The following EBF2 variants were observed in gnomAD, a reference collection of about 807,000 sequenced individuals.
EBF2 encodes EBF transcription factor 2, also known as transcription factor COE2.
Under a neutral mutation model 72.8 loss-of-function variants are expected in EBF2, and 21 were observed. That is an observed-to-expected ratio of 0.29 (90% CI 0.20 to 0.42). The LOEUF (loss-of-function observed/expected upper bound fraction) is 0.42, where lower values mean the gene tolerates loss of function less well. Among genes scored for constraint, EBF2 ranks in the 10% least tolerant of loss-of-function variants. EBF2 has a pLI of 1.00. For missense variants in EBF2, 637 were observed against 731.2 expected, an observed-to-expected ratio of 0.87 and a Z score of 1.49; for synonymous variants, 299 against 274.2, an observed-to-expected ratio of 1.09 and a Z score of -0.89.
At chr8:26,007,693 C>G (rs1302463190) in intron 6 of EBF2, among the ~76,000 whole-genome samples, 1 of 152,042 alleles carries the variant, frequency 6.6e-6, no homozygotes, top group Admixed American at 6.6e-5. Flanking sequence ...AGAGCTGGAG[C>G]CAGGCTGCAA....
intron 7 of EBF2, among the ~76,000 whole-genome samples, chr8:25,892,343 A>G (rs554446105): frequency 6.6e-5 from 10 of 152,190 alleles, no homozygotes; most frequent in Non-Finnish European, 1.5e-4. Flanking sequence ...CGGGGGAACT[A>G]CTGTTTACCA....
intron 6 of EBF2, among the ~76,000 whole-genome samples, chr8:26,007,818 A>G (rs1428496723): frequency 6.6e-6 from 1 of 151,138 alleles, no homozygotes; most frequent in African/African-American, 2.4e-5. Flanking sequence ...ACACATACAC[A>G]CACACACACT....
intron 6 of EBF2, among the ~76,000 whole-genome samples, chr8:25,981,361 G>T (rs533146809): frequency 6.6e-6 from 1 of 152,058 alleles, no homozygotes; most frequent in East Asian, 2.0e-4. Flanking sequence ...CCTGTCAATT[G>T]TTGCAAGGCA....
At position 25,850,594 on chromosome 8, in the gene EBF2, C is replaced by G; in HGVS notation, c.1696G>C (p.Ala566Pro). ...TCCCCAAAATAGAACCCTTGCTTAC[C>G]TCTGAATCCATTTCCATTGCCGCTG... ...CSSGNGNGFR[A>P]MTGLVVPPM is the part of the protein sequence containing the mutation. The change falls in exon 15 of 16, where the codon GCC becomes CCC. Residue 566 changes from alanine to proline, a missense_variant and splice_region_variant. By Grantham distance (27) the Ala-to-Pro change is conservative. This residue lies in a region of EBF2 where 259 missense variants were observed against 268.1 expected (regional missense o/e 0.97). Coordinates refer to ENST00000520164, the MANE Select transcript of EBF2 (RefSeq NM_022659.4). The G allele has an allele frequency of 6.4e-7, 1 of 1,555,390 alleles. No individual in the cohort carries two copies. The highest frequency in any genetic ancestry group is 8.6e-7 in the Non-Finnish European group (1 of 1,159,822).
intron 10 of EBF2, among the ~76,000 whole-genome samples, chr8:25,863,351 C>T (rs529878656): frequency 2.0e-5 from 3 of 152,160 alleles, no homozygotes; most frequent in African/African-American, 7.2e-5. Flanking sequence ...GCCCCCCACC[C>T]CACGAATACT....
intron 6 of EBF2, among the ~76,000 whole-genome samples, chr8:25,962,848 A>G (rs1361378941): frequency 6.6e-6 from 1 of 152,200 alleles, no homozygotes; most frequent in African/African-American, 2.4e-5. Flanking sequence ...GTCAGAATCA[A>G]TACATTATGG....
At chr8:26,035,124 G>A (rs1805476871) in intron 5 of EBF2, among the ~76,000 whole-genome samples, 1 of 147,272 alleles carries the variant, frequency 6.8e-6, no homozygotes, top group African/African-American at 2.5e-5. Flanking sequence ...CAATGGCCTA[G>A]CACCAACCCA....
At position 25,842,400 on chromosome 8, in the gene EBF2, C is replaced by G. The variant is rs968290671; in HGVS notation, c.*2209G>C. 1.3e-5 allele frequency: 2 copies of G among 152,114 alleles called. No homozygotes were observed. Among genetic ancestry groups the G allele is most frequent in the African/African-American group, 2.4e-5 (1 of 41,424 alleles). The allele number at this position is 152,114 out of a possible 1,614,324, so 9.4% of individuals were successfully genotyped here. On this transcript the variant is annotated 3_prime_UTR_variant, in exon 16 of 16. Transcript: ENST00000520164. ...CAATCATTTTGAAGACAGTACTGCA[C>G]TCATCTTCATGCAAAAGGAAAATTC...
At chr8:25,919,633 T>A (rs558942832) in intron 6 of EBF2, among the ~76,000 whole-genome samples, 22 of 152,108 alleles carry the variant, frequency 1.4e-4, no homozygotes, top group Non-Finnish European at 2.2e-4. Flanking sequence ...CAAAAAAAAA[T>A]TTTTTTTTAA....
chr8:26,029,366 T>G (rs1055231285), intron 6 of EBF2, among the ~76,000 whole-genome samples: 1 of 152,214 alleles, frequency 6.6e-6, no homozygotes, highest in Admixed American at 6.5e-5. Context: ...CAAGGGCATT[T>G]CTGAGAGGAG....
At chr8:26,018,767 C>A (rs1002977548) in intron 6 of EBF2, among the ~76,000 whole-genome samples, 2 of 151,912 alleles carry the variant, frequency 1.3e-5, no homozygotes, top group African/African-American at 2.4e-5. Context: ...ACTTCTCATG[C>A]ATTTGGAGTG....
intron 5 of EBF2, 142 bp downstream of exon 5, chr8:26,039,886 A>G (rs1240526306): frequency 5.1e-6 from 4 of 787,834 alleles, no homozygotes; most frequent in East Asian, 2.5e-5. Flanking sequence ...CCGTGGATCT[A>G]CACTCTGCGC....
At chr8:25,899,616 T>C (rs1802916735) in intron 7 of EBF2, among the ~76,000 whole-genome samples, 2 of 152,222 alleles carry the variant, frequency 1.3e-5, no homozygotes, top group East Asian at 3.8e-4. Flanking sequence ...AAAAGTTTTA[T>C]ATAAGAGCTG....
intron 6 of EBF2, among the ~76,000 whole-genome samples, chr8:25,928,048 C>T (rs180933222): frequency 6.6e-6 from 1 of 152,242 alleles, no homozygotes; most frequent in East Asian, 1.9e-4. Flanking sequence ...CTCCTATCCT[C>T]CACACAAAGG....
At chr8:26,043,851 A>T (rs1805652889) in intron 1 of EBF2, among the ~76,000 whole-genome samples, 1 of 152,016 alleles carries the variant, frequency 6.6e-6, no homozygotes, top group Non-Finnish European at 1.5e-5. Context: ...ACAAATCCCA[A>T]CTCAGTAGTG....
intron 5 of EBF2, among the ~76,000 whole-genome samples, chr8:26,036,899 A>G (rs1805510071): frequency 6.6e-6 from 1 of 152,184 alleles, no homozygotes; most frequent in East Asian, 1.9e-4. Context: ...AAGATTAAAA[A>G]AAAAAGTAAT....
intron 14 of EBF2, among the ~76,000 whole-genome samples, chr8:25,851,507 C>T (rs1206420106): frequency 1.3e-5 from 2 of 152,106 alleles, no homozygotes; most frequent in African/African-American, 4.8e-5. Context: ...TAATGAAGTA[C>T]CCCACCTCTT....
rs375386709 is a variant in EBF2, at chr8:26,005,561, T to TATATATAGAGAGAG, written c.551+27523_551+27524insCTCTCTCTATATAT. On this transcript the variant is annotated intron_variant, in intron 6 of 15. Coordinates refer to ENST00000520164, the MANE Select transcript of EBF2 (RefSeq NM_022659.4). Reference sequence around the variant, plus strand: ...TATATTTTATATATATATATATATATAGAGAGAGAGAGAGAGAGGTATTTT... The same window carrying TATATATAGAGAGAG: ...TATATTTTATATATATATATATATATATATATAGAGAGAGAGAGAGAGAGAGAGAGAGGTATTTT... Among the ~76,000 whole-genome samples, 27 of 63,898 alleles carry TATATATAGAGAGAG rather than the reference T, an allele frequency of 4.2e-4. 1 individual carries two copies. The highest frequency in any genetic ancestry group is 8.7e-4 in the African/African-American group (12 of 13,782). 41.9% of individuals were successfully genotyped at this position (63,898 alleles called of 152,430 possible).
chr8:25,885,895 G>A (rs963796250), intron 10 of EBF2, among the ~76,000 whole-genome samples: 26 of 152,130 alleles, frequency 1.7e-4, no homozygotes, highest in African/African-American at 6.3e-4. Context: ...GCACATGTAG[G>A]GTAAGTTCTA....
Sources: gnomAD v4.1 joint callset for allele counts (sites outside exome capture counted in the v4.1 genomes callset) on GRCh38, gnomAD v4.1.1 for gene constraint, gnomAD v4.1.1 regional missense constraint, MANE v1.5 for transcripts, NCBI Gene and HGNC (gene_info 2026-07-23, HGNC 2026-07-21) for gene names.